POU6F2: variants seen among roughly 807,000 people sequenced by gnomAD.
POU6F2 encodes the protein POU class 6 homeobox 2.
A neutral mutation model predicts 71.3 loss-of-function variants in POU6F2; 31 were observed. The ratio of observed to expected loss-of-function variants is 0.43; its 90% CI spans 0.33 to 0.59. The LOEUF (loss-of-function observed/expected upper bound fraction) is 0.59, where lower values mean the gene tolerates loss of function less well. POU6F2 is among the 20% of genes least tolerant of loss of function. The pLI is 0.04. For synonymous variants in POU6F2, 347 were observed against 355.7 expected (o/e 0.98, Z 0.27); for missense variants, 783 against 856.8 (o/e 0.91, Z 1.07).
At position 39,189,376 on chromosome 7, in the gene POU6F2, GTGTT is replaced by G. The variant is rs58113907; in HGVS notation, c.278-14840_278-14837del. ...TGTTTTTGTGGTATTTTTTGTTTGT[GTGTT>G]TGTTTGTTTGTTTGTTTGAGACGGA... On this transcript the variant is annotated intron_variant, in intron 2 of 9. Coordinates refer to ENST00000518318, the MANE Select transcript of POU6F2 (RefSeq NM_001370959.1). 1.4e-4 allele frequency among the ~76,000 whole-genome samples: 21 copies of G among 151,254 alleles called. 1 individual carries two copies. The highest frequency in any genetic ancestry group is 3.9e-4 in the African/African-American group (16 of 41,194).
chr7:39,261,784 T>A (rs1784143072), intron 4 of POU6F2, among the ~76,000 whole-genome samples: 1 of 152,224 alleles, frequency 6.6e-6, no homozygotes, highest in African/African-American at 2.4e-5. Flanking sequence ...TTCAGGTAAA[T>A]GAGTTTTCAT....
intron 1 of POU6F2, among the ~76,000 whole-genome samples, chr7:39,012,865 G>A (rs1241230411): frequency 1.3e-5 from 2 of 152,120 alleles, no homozygotes; most frequent in Non-Finnish European, 1.5e-5. Context: ...ACCCACTTGA[G>A]GAGGCAGTCT....
rs112140236 is a variant in POU6F2, at chr7:39,406,804, T to C, written c.1113+64T>C. 6,236 of 1,584,364 alleles carry C rather than the reference T, an allele frequency of 3.9e-3. 158 individuals are homozygous for C. In the African/African-American group the frequency reaches 0.056, roughly 14 times the overall value. The stretch of plus-strand genomic sequence containing the variant: ...AGATTGAACTCGGAAAGGAATTGAA[T>C]TTCTTTTGCATGACAGTGATATGTA... On this transcript the variant is annotated intron_variant, in intron 6 of 9. Coordinates refer to ENST00000518318, the MANE Select transcript of POU6F2 (RefSeq NM_001370959.1).
At chr7:39,274,166 GA>G (rs1419537302) in intron 4 of POU6F2, among the ~76,000 whole-genome samples, 3 of 151,260 alleles carry the variant, frequency 2.0e-5, no homozygotes, top group Non-Finnish European at 3.0e-5. Flanking sequence ...GACTAATAAA[GA>G]AAAAAAGAGA....
chr7:39,357,904 A>G (rs1291441026), intron 5 of POU6F2, among the ~76,000 whole-genome samples: 1 of 152,156 alleles, frequency 6.6e-6, no homozygotes, highest in African/African-American at 2.4e-5. Flanking sequence ...GCTTCAGAGC[A>G]GTCATGATTC....
chr7:39,348,792 A>C (rs548559383), intron 5 of POU6F2, among the ~76,000 whole-genome samples: 2 of 152,354 alleles, frequency 1.3e-5, no homozygotes, highest in Non-Finnish European at 2.9e-5. Flanking sequence ...AGGCAGGTAG[A>C]AAGATAGATG....
intron 4 of POU6F2, among the ~76,000 whole-genome samples, chr7:39,334,065 A>G (rs927116435): frequency 6.6e-6 from 1 of 152,240 alleles, no homozygotes; most frequent in Non-Finnish European, 1.5e-5. Flanking sequence ...GGAAATGTGT[A>G]GGGATGTTTT....
intron 1 of POU6F2, among the ~76,000 whole-genome samples, chr7:39,009,558 T>C (rs1216470786): frequency 6.6e-6 from 1 of 152,180 alleles, no homozygotes; most frequent in Non-Finnish European, 1.5e-5. Context: ...TCCAACACTA[T>C]GTTGAATAGG....
At chr7:39,357,111 T>C (rs961060737) in intron 5 of POU6F2, among the ~76,000 whole-genome samples, 2 of 152,130 alleles carry the variant, frequency 1.3e-5, no homozygotes, top group Admixed American at 1.3e-4. Flanking sequence ...AAACATATTA[T>C]AAAGAAGATA....
intron 5 of POU6F2, among the ~76,000 whole-genome samples, chr7:39,357,948 G>A (rs948380571): frequency 6.6e-5 from 10 of 152,108 alleles, no homozygotes; most frequent in Admixed American, 2.6e-4. Context: ...CACCTGCAGA[G>A]ATTTCTTCTC....
chr7:39,106,592 A>T (rs1791692699), intron 2 of POU6F2, among the ~76,000 whole-genome samples: 1 of 152,232 alleles, frequency 6.6e-6, no homozygotes, highest in Non-Finnish European at 1.5e-5. Context: ...ATCATTTATT[A>T]AATTAAACTC....
intron 1 of POU6F2, among the ~76,000 whole-genome samples, chr7:39,076,178 C>T (rs1790999997): frequency 6.6e-6 from 1 of 151,742 alleles, no homozygotes; most frequent in Non-Finnish European, 1.5e-5. Context: ...CCTTTTCTCC[C>T]TTCCCTTCCC....
rs996410142 is a variant in POU6F2 at position 39,468,033 on chromosome 7, A to T, written c.*3347A>T. On this transcript the variant is annotated 3_prime_UTR_variant, in exon 10 of 10. Coordinates refer to ENST00000518318, the MANE Select transcript of POU6F2 (RefSeq NM_001370959.1). ...TTGTACCCAGTTAATGACCAAGCTT[A>T]AAAAAAAATTGAGATAAAGGAAATT... The T allele has an allele frequency of 6.6e-6, 1 of 150,608 alleles. No homozygotes were observed. Among genetic ancestry groups the T allele is most frequent in the Admixed American group, 6.6e-5 (1 of 15,104 alleles). 9.3% of individuals were successfully genotyped at this position (150,608 alleles called of 1,614,324 possible).
chr7:39,320,813 G>A (rs1180954199), intron 4 of POU6F2, among the ~76,000 whole-genome samples: 1 of 152,198 alleles, frequency 6.6e-6, no homozygotes. Context: ...CCAGGACTTT[G>A]GGAGGCTAAG....
chr7:39,194,220 T>C (rs1375524185), intron 2 of POU6F2, among the ~76,000 whole-genome samples: 4 of 152,208 alleles, frequency 2.6e-5, no homozygotes, highest in Admixed American at 1.3e-4. Flanking sequence ...CCATCTACGA[T>C]GAAACAGTCA....
rs147600065 is a variant in POU6F2 at position 39,079,751 on chromosome 7, T to C, written c.106-6109T>C. ...AAATGGAGAGACACAGAGAAAGAGA[T>C]AGCAGTTGGGAATGTTGAGTTGAGG... On this transcript the variant is annotated intron_variant, in intron 1 of 9. Transcript: ENST00000518318. Among the ~76,000 whole-genome samples, 873 of 152,248 alleles carry C rather than the reference T, an allele frequency of 5.7e-3. 6 individuals carry two copies. Among genetic ancestry groups the C allele is most frequent in the Non-Finnish European group, 8.2e-3 (557 of 68,012 alleles).
At chr7:39,401,682 A>T (rs1422531421) in intron 5 of POU6F2, among the ~76,000 whole-genome samples, 4 of 152,212 alleles carry the variant, frequency 2.6e-5, no homozygotes, top group Non-Finnish European at 5.9e-5. Flanking sequence ...GTTTCTAGGC[A>T]TCCACGGCCG....
intron 2 of POU6F2, among the ~76,000 whole-genome samples, chr7:39,187,336 C>T (rs4723830): frequency 0.83 from 125,918 of 152,260 alleles, 52,489 homozygotes; most frequent in East Asian, 1. Context: ...GCTGTGTCTT[C>T]GCCTGCCTGT....
At chr7:39,312,168 T>C (rs1785177558) in intron 4 of POU6F2, among the ~76,000 whole-genome samples, 1 of 139,992 alleles carries the variant, frequency 7.1e-6, no homozygotes, top group African/African-American at 2.7e-5. Context: ...CCAAAGAGAA[T>C]GGACGATGTA....
Sources: gnomAD v4.1 joint callset for allele counts (sites outside exome capture counted in the v4.1 genomes callset) on GRCh38, gnomAD v4.1.1 for gene constraint, MANE v1.5 for transcripts, NCBI Gene and HGNC (gene_info 2026-07-23, HGNC 2026-07-21) for gene names.